Variants in ZNF98 observed in about 807,000 individuals in gnomAD.
ZNF98 encodes the protein zinc finger protein 739.
Under a neutral mutation model 12.8 loss-of-function variants are expected in ZNF98, and 8 were observed. That is an observed-to-expected ratio of 0.63 (90% CI 0.37 to 1.13). The LOEUF (loss-of-function observed/expected upper bound fraction) is 1.13. Among genes scored for constraint, ZNF98 ranks in the 50% most tolerant of loss-of-function variants. ZNF98 has a pLI of 0.01. For synonymous variants in ZNF98, 112 were observed against 223.5 expected (o/e 0.50, Z 4.45); for missense variants, 379 against 666.1 (o/e 0.57, Z 4.74).
At chr19:22,413,080 A>T (rs991594877) in intron 1 of ZNF98, among the ~76,000 whole-genome samples, 9 of 133,086 alleles carry the variant, frequency 6.8e-5, no homozygotes, top group East Asian at 1.9e-4. Flanking sequence ...AAATAAAAAT[A>T]AAAAAAAATA....
chr19:22,393,277 A>G (rs544262581), intron 3 of ZNF98, among the ~76,000 whole-genome samples: 159 of 152,338 alleles, frequency 1.0e-3, no homozygotes, highest in African/African-American at 3.5e-3. Flanking sequence ...CCTATATAAC[A>G]TAGTGACTTT....
At chr19:22,418,710 C>T (rs1969672234) in intron 1 of ZNF98, among the ~76,000 whole-genome samples, 1 of 152,144 alleles carries the variant, frequency 6.6e-6, no homozygotes, top group Non-Finnish European at 1.5e-5. Context: ...GAAACCCCGC[C>T]TCTACTAAAA....
chr19:22,395,146 T>C lies in ZNF98; in HGVS notation c.254-2165A>G, dbSNP rs1969375493. ...GAGACCATGCCATTGCACTGCAGCC[T>C]GGGTGACAGGAGCAAAACTCTGTTT... On this transcript the variant is annotated intron_variant, in intron 3 of 3. Transcript: ENST00000357774. Among the ~76,000 whole-genome samples the C allele has an allele frequency of 3.0e-5, 4 of 134,108 alleles. No homozygotes were observed. The South Asian group carries it at 9.3e-4, about 31-fold the overall frequency. 88.0% of individuals were successfully genotyped at this position (134,108 alleles called of 152,430 possible).
chr19:22,396,204 C>T (rs1969391513), intron 3 of ZNF98, among the ~76,000 whole-genome samples: 1 of 152,082 alleles, frequency 6.6e-6, no homozygotes. Flanking sequence ...TTATAAACAT[C>T]TGTTAATGAA....
chr19:22,417,660 C>G (rs1261309798), intron 1 of ZNF98, among the ~76,000 whole-genome samples: 3 of 152,032 alleles, frequency 2.0e-5, no homozygotes, highest in Non-Finnish European at 2.9e-5. Flanking sequence ...TTTGCTGTTG[C>G]AGATTCAGTG....
chr19:22,398,622 G>A (rs760901976), intron 3 of ZNF98, among the ~76,000 whole-genome samples: 13 of 151,960 alleles, frequency 8.6e-5, no homozygotes, highest in Admixed American at 2.0e-4. Context: ...CCCAAAATCC[G>A]GGGATTACAG....
At chr19:22,411,199 T>C (rs1969577026) in intron 1 of ZNF98, among the ~76,000 whole-genome samples, 1 of 150,302 alleles carries the variant, frequency 6.7e-6, no homozygotes, top group Non-Finnish European at 1.5e-5. Context: ...TGCGCCACCA[T>C]GCCTGGCTAA....
intron 3 of ZNF98, among the ~76,000 whole-genome samples, chr19:22,400,428 T>C (rs1304108568): frequency 6.6e-6 from 1 of 152,002 alleles, no homozygotes; most frequent in East Asian, 1.9e-4. Flanking sequence ...AAATCTGCCC[T>C]AGCGTCTGCC....
At chr19:22,407,190 G>A (rs1486221605) in intron 1 of ZNF98, among the ~76,000 whole-genome samples, 1 of 151,742 alleles carries the variant, frequency 6.6e-6, no homozygotes, top group African/African-American at 2.4e-5. Context: ...TGGAGTAGCT[G>A]GGATTACAGG....
At position 22,397,941 on chromosome 19, in the gene ZNF98, A is replaced by C. The variant is rs537117263; in HGVS notation, c.253+4848T>G. On this transcript the variant is annotated intron_variant, in intron 3 of 3. Coordinates refer to ENST00000357774, the MANE Select transcript of ZNF98 (RefSeq NM_001098626.2). The stretch of plus-strand genomic sequence containing the variant: ...TAAAGGTGAAAAAGTAGACTAATAA[A>C]ATAGAATGCAGCACATATATAAACT... Among the ~76,000 whole-genome samples, 6 of 151,750 alleles carry C rather than the reference A, an allele frequency of 4.0e-5. No homozygotes were observed. The South Asian group carries it at 1.3e-3, about 32-fold the overall frequency.
intron 1 of ZNF98, among the ~76,000 whole-genome samples, chr19:22,417,229 C>CAAAAA (rs57152900): frequency 1.8e-4 from 8 of 45,454 alleles, no homozygotes; most frequent in African/African-American, 8.5e-4. Flanking sequence ...AACTCCATCT[C>CAAAAA]AAAAAAAAAA....
rs185904814 is a variant in ZNF98, at chr19:22,398,776, G to A, written c.253+4013C>T. 3.1e-3 allele frequency among the ~76,000 whole-genome samples: 470 copies of A among 152,112 alleles called. 4 individuals are homozygous for A. The highest frequency in any genetic ancestry group is 0.011 in the African/African-American group (452 of 41,502). ...AAACCTTTCCAAAAATTACCTTCAA[G>A]TCACAAAAGTGTTTCCCTCACACAT... On this transcript the variant is annotated intron_variant, in intron 3 of 3. Transcript: ENST00000357774.
chr19:22,401,350 A>G (rs1331529557), intron 3 of ZNF98, among the ~76,000 whole-genome samples: 2 of 152,214 alleles, frequency 1.3e-5, no homozygotes, highest in African/African-American at 4.8e-5. Flanking sequence ...TCTTATTTAC[A>G]ATAGCACTAA....
chr19:22,407,353 A>C (rs1352853619), intron 1 of ZNF98, among the ~76,000 whole-genome samples: 1 of 147,106 alleles, frequency 6.8e-6, no homozygotes, highest in Admixed American at 6.8e-5. Flanking sequence ...CACTGTGCCC[A>C]GTCCTATTTT....
At chr19:22,394,098 C>T (rs1297822995) in intron 3 of ZNF98, among the ~76,000 whole-genome samples, 3 of 147,766 alleles carry the variant, frequency 2.0e-5, no homozygotes, top group African/African-American at 7.5e-5. Flanking sequence ...CTCATCATCA[C>T]TGGCCATCCG....
intron 1 of ZNF98, among the ~76,000 whole-genome samples, chr19:22,415,320 G>C (rs1407393408): frequency 6.6e-6 from 1 of 152,128 alleles, no homozygotes. Context: ...AACTAAAACA[G>C]AATTACCTGT....
chr19:22,396,237 A>G (rs1969391980), intron 3 of ZNF98, among the ~76,000 whole-genome samples: 1 of 152,210 alleles, frequency 6.6e-6, no homozygotes, highest in Admixed American at 6.5e-5. Flanking sequence ...AAACATAATT[A>G]GCAACATCAA....
chr19:22,416,683 C>T (rs1969647509), intron 1 of ZNF98, among the ~76,000 whole-genome samples: 1 of 151,500 alleles, frequency 6.6e-6, no homozygotes, highest in Admixed American at 6.6e-5. Context: ...ACCCAGGAGG[C>T]GAAGGTTGCA....
In ZNF98 at chr19:22,408,047, A is replaced by C. The variant is rs550320054; in HGVS notation, c.31-4535T>G. Among the ~76,000 whole-genome samples, 21 of 152,254 alleles carry C rather than the reference A, an allele frequency of 1.4e-4. 2 individuals carry two copies. The South Asian group carries it at 4.4e-3, about 32-fold the overall frequency. On this transcript the variant is annotated intron_variant, in intron 1 of 3. Coordinates refer to ENST00000357774, the MANE Select transcript of ZNF98 (RefSeq NM_001098626.2). ...GATCACGCCACTGCACTGGACAACA[A>C]GTGCGAAACTCTGTCTCAAAACAAA...
Sources: gnomAD v4.1 joint callset for allele counts (sites outside exome capture counted in the v4.1 genomes callset) on GRCh38, gnomAD v4.1.1 for gene constraint, MANE v1.5 for transcripts, NCBI Gene and HGNC (gene_info 2026-07-23, HGNC 2026-07-21) for gene names.